Variants in MEF2C observed in about 807,000 individuals in gnomAD.
MEF2C encodes myocyte-specific enhancer factor 2C.
MEF2C carries 6 observed loss-of-function variants against 50.5 expected under a neutral mutation model. That is an observed-to-expected ratio of 0.12 (90% CI 0.07 to 0.23). The LOEUF (loss-of-function observed/expected upper bound fraction) is 0.23. MEF2C is among the 10% of genes least tolerant of loss of function. MEF2C has a pLI of 1.00. For missense variants in MEF2C, 276 were observed against 605.0 expected (o/e 0.46, Z 5.70); for synonymous variants, 183 against 228.0 (o/e 0.80, Z 1.78).
intron 3 of MEF2C, among the ~76,000 whole-genome samples, chr5:88,764,743 G>A (rs1392258768): frequency 1.4e-5 from 2 of 140,158 alleles, no homozygotes; most frequent in East Asian, 4.3e-4. Flanking sequence ...GGGAGCCAGA[G>A]ATTGCAGTGA....
At chr5:88,742,987 T>C (rs748730636) in intron 6 of MEF2C, 2 of 974,084 alleles carry the variant, frequency 2.1e-6, no homozygotes, top group Non-Finnish European at 2.4e-6. Flanking sequence ...TGCCGTTAGT[T>C]ATTTACTTAT....
At chr5:88,796,445 TTTA>T (rs749760234) in intron 3 of MEF2C, among the ~76,000 whole-genome samples, 2 of 152,210 alleles carry the variant, frequency 1.3e-5, no homozygotes, top group South Asian at 2.1e-4. Context: ...TATAGTATTC[TTTA>T]ATGGTAGTTT....
chr5:88,869,298 C>CGTATATATATAT (rs1828687855), intron 1 of MEF2C, among the ~76,000 whole-genome samples: 1 of 101,136 alleles, frequency 9.9e-6, no homozygotes, highest in African/African-American at 3.7e-5. Context: ...TATATATACA[C>CGTATATATATAT]ATATATATAT....
chr5:88,860,584 G>T (rs1825159463), intron 1 of MEF2C, among the ~76,000 whole-genome samples: 1 of 152,112 alleles, frequency 6.6e-6, no homozygotes, highest in Non-Finnish European at 1.5e-5. Flanking sequence ...GCCCAATGGG[G>T]TGGTCAGATT....
chr5:88,782,624 T>C (rs1392868372), intron 3 of MEF2C, among the ~76,000 whole-genome samples: 2 of 152,234 alleles, frequency 1.3e-5, no homozygotes, highest in Admixed American at 1.3e-4. Context: ...TAAAATTATA[T>C]GAATATTTCT....
chr5:88,788,796 C>T (rs1160124903), intron 3 of MEF2C, among the ~76,000 whole-genome samples: 3 of 152,258 alleles, frequency 2.0e-5, no homozygotes, highest in African/African-American at 7.2e-5. Flanking sequence ...ATTTACATGA[C>T]ACAAATGAGT....
chr5:88,860,600 A>C (rs1345507166), intron 1 of MEF2C, among the ~76,000 whole-genome samples: 1 of 152,170 alleles, frequency 6.6e-6, no homozygotes, highest in Non-Finnish European at 1.5e-5. Context: ...AGATTCACCC[A>C]GCAGAGCTGC....
At chr5:88,824,213 T>G in intron 1 of MEF2C, 2 of 972,160 alleles carry the variant, frequency 2.1e-6, no homozygotes, top group Non-Finnish European at 1.2e-6. Flanking sequence ...TATTTTTTTT[T>G]GTAAAAAGTT....
At chr5:88,729,089 A>T in intron 9 of MEF2C, 129 bp downstream of exon 9, 1 of 936,698 alleles carries the variant, frequency 1.1e-6, no homozygotes, top group Non-Finnish European at 1.6e-6. Flanking sequence ...AAGAATGGGT[A>T]ATGCTGCAGT....
intron 3 of MEF2C, among the ~76,000 whole-genome samples, chr5:88,802,285 C>T (rs967596191): frequency 6.6e-6 from 1 of 152,188 alleles, no homozygotes; most frequent in Non-Finnish European, 1.5e-5. Context: ...GAGAGGTACC[C>T]AACTCACCAC....
At chr5:88,838,591 A>G in intron 1 of MEF2C, 1 of 985,312 alleles carries the variant, frequency 1.0e-6, no homozygotes, top group Non-Finnish European at 1.2e-6. Flanking sequence ...TGAGAATTAC[A>G]CAGATATCTC....
intron 2 of MEF2C, among the ~76,000 whole-genome samples, chr5:88,815,475 T>C (rs1400680234): frequency 7.2e-5 from 11 of 152,120 alleles, no homozygotes; most frequent in Non-Finnish European, 1.5e-4. Context: ...CAATTTAAAA[T>C]TAAAAGTCAA....
intron 3 of MEF2C, among the ~76,000 whole-genome samples, chr5:88,767,052 C>T (rs1281519415): frequency 6.6e-6 from 1 of 152,124 alleles, no homozygotes; most frequent in African/African-American, 2.4e-5. Flanking sequence ...AAAGTGTTTC[C>T]ATATTGGTGT....
Position 88,728,506 on chromosome 5 carries a change from G to C in MEF2C, c.1087C>G (p.Leu363Val). ...AATATTGCTTACCCCAACTGACTGA[G>C]GGCAGATGGTGGCATGTTATGTAGG... is the stretch of plus-strand genomic sequence containing the variant. Reference protein sequence around the residue: ...QHLHNMPPSALSQLGACTSTH... With the variant: ...QHLHNMPPSAVSQLGACTSTH... The change falls in exon 10 of 11, where the codon CTC (leucine) becomes GTC (valine). Residue 363 changes from leucine (L) to valine (V), a missense_variant. Physicochemically the swap from Leu to Val is conservative, Grantham distance 32. Coordinates refer to ENST00000504921, the MANE Select transcript of MEF2C (RefSeq NM_002397.5). 6.6e-7 allele frequency: 1 copy of C among 1,516,138 alleles called. No individual in the cohort carries two copies. Among genetic ancestry groups the C allele is most frequent in the Non-Finnish European group, 8.9e-7 (1 of 1,128,156 alleles). The allele number at this position is 1,516,138 out of a possible 1,614,324, so 93.9% of individuals were successfully genotyped here. A position where few individuals can be genotyped will look rare whatever the true frequency, so the allele number is the denominator to read the frequency against.
At chr5:88,855,557 T>G (rs1822998340) in intron 1 of MEF2C, among the ~76,000 whole-genome samples, 1 of 152,222 alleles carries the variant, frequency 6.6e-6, no homozygotes, top group South Asian at 2.1e-4. Context: ...AAATCTCATC[T>G]TGAATTGTTC....
intron 1 of MEF2C, among the ~76,000 whole-genome samples, chr5:88,881,540 T>C (rs1160899610): frequency 1.3e-5 from 2 of 152,208 alleles, no homozygotes; most frequent in African/African-American, 4.8e-5. Flanking sequence ...TAGTTTCAAA[T>C]TAGAGATTGT....
intron 3 of MEF2C, among the ~76,000 whole-genome samples, chr5:88,801,359 T>G (rs1459913539): frequency 6.6e-6 from 1 of 152,168 alleles, no homozygotes; most frequent in Non-Finnish European, 1.5e-5. Context: ...AATCTTAACT[T>G]TTGACTTTAT....
intron 3 of MEF2C, among the ~76,000 whole-genome samples, chr5:88,787,194 TAC>T (rs1359786635): frequency 6.6e-5 from 10 of 152,242 alleles, no homozygotes; most frequent in African/African-American, 1.4e-4. Flanking sequence ...TGTAAAATGC[TAC>T]AGTTATTTAT....
At chr5:88,883,859 T>A (rs1449983467), upstream of MEF2C, 1 of 152,222 alleles carries the variant, frequency 6.6e-6, no homozygotes, top group Non-Finnish European at 1.5e-5. Context: ...ATTACTCCAC[T>A]ACACTACTTT....
Sources: allele counts gnomAD v4.1 joint callset (sites outside exome capture counted in the v4.1 genomes callset), GRCh38; gene constraint gnomAD v4.1.1; transcripts MANE v1.5; gene names NCBI Gene and HGNC (gene_info 2026-07-23, HGNC 2026-07-21).